The following BIRC6 variants were observed in gnomAD, a reference collection of about 807,000 sequenced individuals.
BIRC6 encodes baculoviral IAP repeat containing 6, also known as dual E2 ubiquitin-conjugating enzyme/E3 ubiquitin-protein ligase BIRC6.
BIRC6 carries 98 observed loss-of-function variants against 503.3 expected under a neutral mutation model. The observed-to-expected ratio is 0.19, with a 90% CI of 0.17 to 0.23. The LOEUF (loss-of-function observed/expected upper bound fraction) is 0.23. Ranked by LOEUF, BIRC6 falls within the 10% of genes least tolerant of loss-of-function variation. The pLI, the probability that BIRC6 is intolerant of heterozygous loss-of-function variation, is 1.00. For missense variants in BIRC6, 5,360 were observed against 5,806.0 expected (o/e 0.92, Z 2.50); for synonymous variants, 2,240 against 2,078.7 (o/e 1.08, Z -2.11).
chr2:32,401,857 G>A (rs150864876), intron 8 of BIRC6, among the ~76,000 whole-genome samples: 314 of 152,180 alleles, frequency 2.1e-3, no homozygotes, highest in African/African-American at 7.1e-3. Flanking sequence ...TATGTCAATT[G>A]GAAATAATTG....
chr2:32,617,583 TAACAGTAGCTTGCATAA>T, intron 73 of BIRC6, 125 bp from the exon 74 acceptor site: 1 of 844,038 alleles, frequency 1.2e-6, no homozygotes, highest in South Asian at 2.2e-5. Flanking sequence ...CAAGTGCCTG[TAACAGTAGCTTGCATAA>T]GGAGGGGCTC....
intron 23 of BIRC6, among the ~76,000 whole-genome samples, chr2:32,456,846 A>G (rs1005695920): frequency 6.6e-6 from 1 of 152,122 alleles, no homozygotes; most frequent in Non-Finnish European, 1.5e-5. Flanking sequence ...ATTTTTTGTC[A>G]TCAAGTTTTA....
intron 40 of BIRC6, among the ~76,000 whole-genome samples, chr2:32,486,391 A>C (rs2050996995): frequency 1.3e-5 from 2 of 152,242 alleles, no homozygotes; most frequent in South Asian, 2.1e-4. Context: ...GTGTTACAAG[A>C]AACAGGTAGC....
chr2:32,548,006 C>A lies in BIRC6; in HGVS notation c.12967C>A (p.Leu4323Ile). Reference protein sequence around the residue: ...QRLEEEHVTCLLQVLASYINP... With the variant: ...QRLEEEHVTCILQVLASYINP... ...GCTGGAAGAGGAACATGTTACCTGCCTTCTGCAGGTATATTTGTAAACTTG... is the reference window on the plus strand; with the variant it reads ...GCTGGAAGAGGAACATGTTACCTGCATTCTGCAGGTATATTTGTAAACTTG... The change falls in exon 64 of 74, where the codon CTT becomes ATT. Residue 4323 changes from leucine to isoleucine, a missense_variant. Leu to Ile is a conservative substitution (Grantham distance 5). This residue lies in a region of BIRC6 where 477 missense variants were observed against 574.4 expected (regional missense o/e 0.83). Transcript: ENST00000421745. The A allele has an allele frequency of 6.3e-7, 1 of 1,596,974 alleles. No homozygotes were observed. The highest frequency in any genetic ancestry group is 8.5e-7 in the Non-Finnish European group (1 of 1,175,036).
chr2:32,468,925 G>T, intron 29 of BIRC6, 142 bp downstream of exon 29: 1 of 661,730 alleles, frequency 1.5e-6, no homozygotes, highest in South Asian at 2.5e-5. Flanking sequence ...TGTCTCTTTA[G>T]GTTAATCTAT....
rs1479326909 is a variant in BIRC6 at position 32,443,534 on chromosome 2, C to G, written c.4282C>G (p.Leu1428Val). 1 of 1,609,658 alleles carries G rather than the reference C, an allele frequency of 6.2e-7. No individual in the cohort carries two copies. Among genetic ancestry groups the G allele is most frequent in the Non-Finnish European group, 8.5e-7 (1 of 1,178,014 alleles). Reference sequence around the variant, plus strand: ...ATGTCAACCAGCATTTGGACCTGTTCTGTTGAAGGCTTTACTTGATAATAT... The same window carrying G: ...ATGTCAACCAGCATTTGGACCTGTTGTGTTGAAGGCTTTACTTGATAATAT... ...DPCQPAFGPV[L>V]LKALLDNMSF... is the part of the protein sequence containing the mutation. Residue 1428 changes from leucine to valine, a missense_variant, in exon 20 of 74, where the codon CTG (leucine) becomes GTG (valine). This residue lies in a region of BIRC6 where 2,299 missense variants were observed against 2,267.2 expected (regional missense o/e 1.01). Transcript: ENST00000421745.
At chr2:32,608,674 C>T (rs2062641208) in intron 72 of BIRC6, among the ~76,000 whole-genome samples, 1 of 151,860 alleles carries the variant, frequency 6.6e-6, no homozygotes. Context: ...GCCTTGGCCT[C>T]CCAAAGTGCT....
intron 53 of BIRC6, among the ~76,000 whole-genome samples, chr2:32,511,266 T>TCCC (rs1411055074): frequency 2.7e-5 from 4 of 146,114 alleles, no homozygotes; most frequent in African/African-American, 1.0e-4. Context: ...CTAATGTCAT[T>TCCC]CTACCTTGAT....
At chr2:32,462,048 T>TAA (rs2048051902) in intron 23 of BIRC6, among the ~76,000 whole-genome samples, 2 of 146,206 alleles carry the variant, frequency 1.4e-5, no homozygotes, top group African/African-American at 5.1e-5. Flanking sequence ...AGCAAAAAAA[T>TAA]AAAAATAAAA....
chr2:32,615,716 C>T (rs2063183270), intron 73 of BIRC6, among the ~76,000 whole-genome samples: 1 of 152,146 alleles, frequency 6.6e-6, no homozygotes, highest in Non-Finnish European at 1.5e-5. Context: ...CTCACTGGAA[C>T]CTCTGCCTCC....
intron 3 of BIRC6, among the ~76,000 whole-genome samples, chr2:32,384,082 T>G (rs2038091808): frequency 6.6e-6 from 1 of 152,174 alleles, no homozygotes; most frequent in Admixed American, 6.6e-5. Flanking sequence ...AATGGAAGTG[T>G]TGTTGTACCC....
At chr2:32,446,759 TTTTTTTTTTTTTA>T (rs2046005065) in intron 21 of BIRC6, among the ~76,000 whole-genome samples, 1 of 138,730 alleles carries the variant, frequency 7.2e-6, no homozygotes, top group East Asian at 2.1e-4. Flanking sequence ...TTTTTTTTTT[TTTTTTTTTTTTTA>T]TTGATCATTC....
intron 45 of BIRC6, among the ~76,000 whole-genome samples, chr2:32,497,779 T>C (rs1034691781): frequency 4.6e-5 from 7 of 152,174 alleles, no homozygotes; most frequent in African/African-American, 1.7e-4. Context: ...TCTTCTTTTC[T>C]ACTTTCTTTG....
chr2:32,502,696 G>A, intron 47 of BIRC6, 99 bp from the exon 48 acceptor site: 1 of 848,294 alleles, frequency 1.2e-6, no homozygotes, highest in Non-Finnish European at 1.8e-6. Context: ...AAGGCTGTCA[G>A]TTTACAAAAA....
chr2:32,584,374 A>G (rs1312037226), intron 66 of BIRC6, among the ~76,000 whole-genome samples: 2 of 152,074 alleles, frequency 1.3e-5, no homozygotes, highest in Non-Finnish European at 2.9e-5. Flanking sequence ...TACTGAAAAT[A>G]CAAAAATTAG....
intron 50 of BIRC6, among the ~76,000 whole-genome samples, chr2:32,506,818 C>T (rs183994384): frequency 2.9e-4 from 44 of 152,066 alleles, no homozygotes; most frequent in African/African-American, 8.9e-4. Context: ...CTTGTGGGAG[C>T]GTGGATTACT....
At chr2:32,419,922 G>T (rs1015452393) in intron 10 of BIRC6, among the ~76,000 whole-genome samples, 1 of 152,116 alleles carries the variant, frequency 6.6e-6, no homozygotes, top group East Asian at 1.9e-4. Flanking sequence ...AGGAATGAAC[G>T]TCATATTTTG....
At chr2:32,459,574 T>TA (rs1438792989) in intron 23 of BIRC6, among the ~76,000 whole-genome samples, 1 of 152,200 alleles carries the variant, frequency 6.6e-6, no homozygotes, top group African/African-American at 2.4e-5. Context: ...CTACACAAAA[T>TA]ACTTGTTTTT....
chr2:32,485,892 C>A (rs114638650), intron 40 of BIRC6, 133 bp downstream of exon 40: 2 of 596,520 alleles, frequency 3.4e-6, no homozygotes, highest in African/African-American at 1.9e-5. Flanking sequence ...GTAGCACTTT[C>A]CTGGCTCCGA....
Sources: allele counts gnomAD v4.1 joint callset (sites outside exome capture counted in the v4.1 genomes callset), GRCh38; gene constraint gnomAD v4.1.1; regional missense constraint gnomAD v4.1.1; transcripts MANE v1.5; gene names NCBI Gene and HGNC (gene_info 2026-07-23, HGNC 2026-07-21).